ANO3: variants seen among roughly 807,000 people sequenced by gnomAD.
ANO3 encodes the protein anoctamin-3.
Under a neutral mutation model 144.8 loss-of-function variants are expected in ANO3, and 99 were observed. The ratio of observed to expected loss-of-function variants is 0.68; its 90% CI spans 0.58 to 0.81. ANO3 has a LOEUF of 0.81. Ranked by LOEUF, ANO3 falls within the 30% of genes least tolerant of loss-of-function variation. The probability of loss-of-function intolerance (pLI) is 0.00; values close to 1 mark genes in which losing one functional copy is unlikely to be tolerated. For synonymous variants in ANO3, 414 were observed against 392.6 expected, an observed-to-expected ratio of 1.05 and a Z score of -0.64; for missense variants, 905 against 1,202.2, an observed-to-expected ratio of 0.75 and a Z score of 3.66.
chr11:26,573,104 G>C (rs1412721449), intron 14 of ANO3, among the ~76,000 whole-genome samples: 1 of 152,156 alleles, frequency 6.6e-6, no homozygotes, highest in Non-Finnish European at 1.5e-5. Flanking sequence ...ATATGCCTGA[G>C]GTTCATACTT....
chr11:26,447,564 A>G (rs1858749335), intron 3 of ANO3, among the ~76,000 whole-genome samples: 1 of 152,210 alleles, frequency 6.6e-6, no homozygotes, highest in African/African-American at 2.4e-5. Flanking sequence ...GTAAGATGTT[A>G]GTAAGTTTCA....
intron 1 of ANO3, among the ~76,000 whole-genome samples, chr11:26,431,669 G>C (rs1347176374): frequency 2.0e-5 from 3 of 152,116 alleles, no homozygotes; most frequent in African/African-American, 7.2e-5. Flanking sequence ...CTGTTCCTGT[G>C]TTAGACTGCT....
intron 1 of ANO3, among the ~76,000 whole-genome samples, chr11:26,317,769 A>G (rs1351651439): frequency 3.3e-5 from 5 of 152,178 alleles, no homozygotes; most frequent in African/African-American, 7.2e-5. Flanking sequence ...TATATACCCA[A>G]AGGATTATAA....
At chr11:26,320,656 T>C (rs1349278386) in intron 1 of ANO3, among the ~76,000 whole-genome samples, 1 of 152,180 alleles carries the variant, frequency 6.6e-6, no homozygotes, top group Non-Finnish European at 1.5e-5. Context: ...GCATAAAATA[T>C]ATGATGTTAT....
At chr11:26,563,674 TA>T (rs1850395193) in intron 14 of ANO3, among the ~76,000 whole-genome samples, 2 of 151,800 alleles carry the variant, frequency 1.3e-5, no homozygotes. Flanking sequence ...ATTCAAAGGT[TA>T]AAAGCCAATA....
At chr11:26,645,592 C>T (rs947273940) in intron 23 of ANO3, among the ~76,000 whole-genome samples, 3 of 151,956 alleles carry the variant, frequency 2.0e-5, no homozygotes, top group African/African-American at 7.2e-5. Flanking sequence ...TTTGAGTTCC[C>T]ATATTTTAAG....
intron 1 of ANO3, among the ~76,000 whole-genome samples, chr11:26,399,151 T>TAAAA (rs1857087868): frequency 1.3e-5 from 2 of 151,872 alleles, no homozygotes; most frequent in Non-Finnish European, 2.9e-5. Context: ...CAACCTCACC[T>TAAAA]TTTTTTCGCT....
chr11:26,302,544 C>T (rs1422725455), intron 1 of ANO3, among the ~76,000 whole-genome samples: 1 of 151,870 alleles, frequency 6.6e-6, no homozygotes, highest in African/African-American at 2.4e-5. Flanking sequence ...AAAAGAATGC[C>T]TCCGATTATT....
At chr11:26,510,780 G>T (rs899638354) in intron 5 of ANO3, among the ~76,000 whole-genome samples, 1 of 152,298 alleles carries the variant, frequency 6.6e-6, no homozygotes, top group East Asian at 1.9e-4. Flanking sequence ...TTGCCAGAAA[G>T]CTCAGATTCT....
At chr11:26,399,865 A>G (rs944474850) in intron 1 of ANO3, among the ~76,000 whole-genome samples, 1 of 151,994 alleles carries the variant, frequency 6.6e-6, no homozygotes, top group Non-Finnish European at 1.5e-5. Context: ...TTCACGGTAT[A>G]GACTGCCTTC....
chr11:26,283,338 A>ATATATATT (rs1853725407), intron 1 of ANO3, among the ~76,000 whole-genome samples: 1 of 80,110 alleles, frequency 1.2e-5, no homozygotes, highest in Non-Finnish European at 2.6e-5. Context: ...ATATATATAT[A>ATATATATT]TATATATATA....
chr11:26,652,536 A>G (rs1056799039), intron 24 of ANO3, among the ~76,000 whole-genome samples: 9 of 152,142 alleles, frequency 5.9e-5, no homozygotes, highest in African/African-American at 9.7e-5. Context: ...TTCTTTCCCT[A>G]TCTGAAACCA....
At chr11:26,597,994 T>G (rs1851686229) in intron 14 of ANO3, among the ~76,000 whole-genome samples, 1 of 152,236 alleles carries the variant, frequency 6.6e-6, no homozygotes, top group Admixed American at 6.5e-5. Context: ...GAGTAGCATT[T>G]GGCCTTTATT....
intron 6 of ANO3, 121 bp from the exon 7 acceptor site, chr11:26,525,514 A>G (rs1849139383): frequency 1.4e-6 from 1 of 722,156 alleles, no homozygotes; most frequent in Admixed American, 3.0e-5. Flanking sequence ...AAACATCTTA[A>G]GTTTCTTAAG....
At chr11:26,467,884 T>C (rs1431595986) in intron 4 of ANO3, among the ~76,000 whole-genome samples, 1 of 151,888 alleles carries the variant, frequency 6.6e-6, no homozygotes, top group South Asian at 2.1e-4. Context: ...AAAGGAACAT[T>C]CCCAAAAATC....
intron 1 of ANO3, among the ~76,000 whole-genome samples, chr11:26,349,881 A>C (rs1855595264): frequency 1.3e-5 from 2 of 152,154 alleles, no homozygotes; most frequent in South Asian, 4.1e-4. Context: ...TGAGCCAGAG[A>C]AGAAGGAATC....
At chr11:26,329,681 A>C (rs757698198), upstream of ANO3, among the ~76,000 whole-genome samples, 7 of 152,214 alleles carry the variant, frequency 4.6e-5, no homozygotes, top group Admixed American at 1.3e-4. Context: ...TAGTTCTGGC[A>C]GATACATATT....
chr11:26,509,900 T>C (rs1861591806), intron 5 of ANO3, among the ~76,000 whole-genome samples: 1 of 151,870 alleles, frequency 6.6e-6, no homozygotes, highest in Admixed American at 6.6e-5. Flanking sequence ...TCCCAGCACT[T>C]TGGGAGGCCA....
Position 26,362,582 on chromosome 11 carries a change from A to G in ANO3, c.46+30261A>G, listed in dbSNP as rs139612995. 3.5e-3 allele frequency among the ~76,000 whole-genome samples: 536 copies of G among 152,278 alleles called. 3 individuals are homozygous for G. Among genetic ancestry groups the G allele is most frequent in the African/African-American group, 0.012 (517 of 41,572 alleles). On this transcript the variant is annotated intron_variant, in intron 1 of 26. Transcript: ENST00000256737. ...GAATCTCACCACTGATTTTCAATAC[A>G]TGAACAAATTGTGCTCCTGGTGTAT...
Sources: allele counts gnomAD v4.1 joint callset (sites outside exome capture counted in the v4.1 genomes callset), GRCh38; gene constraint gnomAD v4.1.1; transcripts MANE v1.5; gene names NCBI Gene and HGNC (gene_info 2026-07-23, HGNC 2026-07-21).